C1S: variants seen among roughly 807,000 people sequenced by gnomAD.
The protein encoded by C1S is complement C1s subcomponent.
A neutral mutation model predicts 54.0 loss-of-function variants in C1S; 31 were observed. The ratio of observed to expected loss-of-function variants is 0.57; its 90% CI spans 0.43 to 0.78. The LOEUF (loss-of-function observed/expected upper bound fraction) is 0.78, where lower values mean the gene tolerates loss of function less well. Ranked by LOEUF, C1S falls within the 30% of genes least tolerant of loss-of-function variation. The pLI, the probability that C1S is intolerant of heterozygous loss-of-function variation, is 0.00. For synonymous variants in C1S, 292 were observed against 303.6 expected, an observed-to-expected ratio of 0.96 and a Z score of 0.40; for missense variants, 727 against 851.8, an observed-to-expected ratio of 0.85 and a Z score of 1.82.
chr12:7,067,515 G>T, intron 9 of C1S, 128 bp from the exon 10 acceptor site: 1 of 1,022,664 alleles, frequency 9.8e-7, no homozygotes, highest in East Asian at 2.4e-5. Flanking sequence ...AGGCTGGTGT[G>T]GGGAGGTTCA....
At chr12:7,067,981 C>T (rs1425901304) in intron 10 of C1S, among the ~76,000 whole-genome samples, 2 of 152,184 alleles carry the variant, frequency 1.3e-5, no homozygotes, top group African/African-American at 4.8e-5. Context: ...ATAGAGGTCA[C>T]CAACTGAGTT....
In C1S at chr12:7,065,832, C is replaced by T. The variant is rs147971272; in HGVS notation, c.733C>T (p.Arg245Trp). ...TTTTGTTCAGTTTGTTGCAGGAGATCGGCAATTTGGTCCTTACTGTGGTCA... is the reference window on the plus strand; with the variant it reads ...TTTTGTTCAGTTTGTTGCAGGAGATTGGCAATTTGGTCCTTACTGTGGTCA... ...LDSLVFVAGD[R>W]QFGPYCGHGF... The change falls in exon 7 of 12, where the codon CGG becomes TGG. Residue 245 changes from arginine (R) to tryptophan (W), a missense_variant. Arg to Trp is a moderately radical substitution (Grantham distance 101). Transcript: ENST00000360817. The T allele has an allele frequency of 3.2e-5, 52 of 1,612,574 alleles. No individual in the cohort carries two copies. Among genetic ancestry groups the T allele is most frequent in the Middle Eastern group, 3.3e-4 (2 of 6,058 alleles).
chr12:7,061,962 T>G (rs1234094064), intron 2 of C1S, 45 bp downstream of exon 2: 1 of 1,604,912 alleles, frequency 6.2e-7, no homozygotes, highest in East Asian at 2.2e-5. Flanking sequence ...TCCATTCCCT[T>G]CATCTTCTCA....
At chr12:7,069,115 G>C (rs1429996843) in intron 11 of C1S, among the ~76,000 whole-genome samples, 1 of 152,186 alleles carries the variant, frequency 6.6e-6, no homozygotes, top group Admixed American at 6.5e-5. Context: ...ATGTGAATGG[G>C]TGGGGTGCAA....
In C1S at chr12:7,061,879, C is replaced by T; in HGVS notation, c.-34C>T. 1.9e-6 allele frequency: 3 copies of T among 1,613,836 alleles called. No homozygotes were observed. The highest frequency in any genetic ancestry group is 2.5e-6 in the Non-Finnish European group (3 of 1,179,792). ...GGTGCAGAAAGCCAGGACCAAGAGACAGGCAGCTCACCAGGGTGGACAAAT... is the reference window on the plus strand; with the variant it reads ...GGTGCAGAAAGCCAGGACCAAGAGATAGGCAGCTCACCAGGGTGGACAAAT... On this transcript the variant is annotated 5_prime_UTR_variant, in exon 2 of 12. Transcript: ENST00000360817.
intron 11 of C1S, 157 bp downstream of exon 11, chr12:7,068,687 G>A: frequency 3.1e-6 from 2 of 643,246 alleles, no homozygotes; most frequent in Non-Finnish European, 5.6e-6. Flanking sequence ...GGGCTGCCAG[G>A]GCCGTGGGGA....
Position 7,061,895 on chromosome 12 carries a change from G to A in C1S, c.-18G>A, listed in dbSNP as rs1188206296. On this transcript the variant is annotated 5_prime_UTR_variant, in exon 2 of 12. In the 5' UTR this introduces an upstream ATG that the reference lacks. Transcript: ENST00000360817. ...ACCAAGAGACAGGCAGCTCACCAGG[G>A]TGGACAAATCGCCAGAGATGTGGTA... 6.2e-7 allele frequency: 1 copy of A among 1,613,912 alleles called. No individual in the cohort carries two copies. Among genetic ancestry groups the A allele is most frequent in the Non-Finnish European group, 8.5e-7 (1 of 1,179,928 alleles).
chr12:7,066,636 A>C lies in C1S; in HGVS notation c.987+3A>C. The C allele has an allele frequency of 6.4e-7, 1 of 1,564,038 alleles. No homozygotes were observed. Among genetic ancestry groups the C allele is most frequent in the Non-Finnish European group, 8.8e-7 (1 of 1,134,210 alleles). On this transcript the variant is annotated splice_donor_region_variant and intron_variant, in intron 8 of 11. Coordinates refer to ENST00000360817, the MANE Select transcript of C1S (RefSeq NM_001734.5). ...TGGATGGGTTTGAAGTTGTGGAGGTAAAGTACCACCTTGGCTTCTCCCCAG... is the reference window on the plus strand; with the variant it reads ...TGGATGGGTTTGAAGTTGTGGAGGTCAAGTACCACCTTGGCTTCTCCCCAG...
At chr12:7,063,934 C>T (rs1555161653) in intron 4 of C1S, 14 of 457,974 alleles carry the variant, frequency 3.1e-5, no homozygotes, top group Middle Eastern at 3.9e-4. Flanking sequence ...GAGGTAGAGG[C>T]GTGAGACTTG....
At chr12:7,062,313 G>T (rs782292445) in intron 2 of C1S, 162 bp from the exon 3 acceptor site, 4 of 660,646 alleles carry the variant, frequency 6.1e-6, no homozygotes, top group African/African-American at 5.5e-5. Flanking sequence ...CCTGGGTTTT[G>T]GTTTGACCTG....
rs1180126695 is a variant in C1S, at chr12:7,070,048, G to A, written c.1464G>A (p.Gly488=). 3 of 1,613,922 alleles carry A rather than the reference G, an allele frequency of 1.9e-6. No individual in the cohort carries two copies. The highest frequency in any genetic ancestry group is 2.7e-5 in the African/African-American group (2 of 74,914). ...ACAGGGAGCCAACAATGTATGTTGG[G>A]TCCACCTCAGTGCAGACCTCACGGC... ...EGNREPTMYV[G]STSVQTSRLA... The change falls in exon 12 of 12, where the codon GGG becomes GGA. Residue 488 remains glycine, a synonymous_variant. Coordinates refer to ENST00000360817, the MANE Select transcript of C1S (RefSeq NM_001734.5). The surrounding 1 kb of genome is among the most constrained non-coding windows in gnomAD (Gnocchi z 4.9).
rs782816529 is a variant in C1S at position 7,069,893 on chromosome 12, A to T, written c.1309A>T (p.Arg437Trp). ...VPREPFEEKQ[R>W]IIGGSDADIK... ...CAGAGAACCCTTTGAAGAAAAACAG[A>T]GGATAATTGGAGGATCCGATGCAGA... Residue 437 changes from arginine (R) to tryptophan (W), a missense_variant, in exon 12 of 12, where the codon AGG (arginine) becomes TGG (tryptophan). By Grantham distance (101) the Arg-to-Trp change is moderately radical (BLOSUM62 -3). This residue lies in a region of C1S where 360 missense variants were observed against 453.6 expected (regional missense o/e 0.79). Coordinates refer to ENST00000360817, the MANE Select transcript of C1S (RefSeq NM_001734.5). The T allele has an allele frequency of 6.2e-7, 1 of 1,614,192 alleles. No homozygotes were observed. The highest frequency in any genetic ancestry group is 1.1e-5 in the South Asian group (1 of 91,082).
rs782308566 is a variant in C1S, at chr12:7,069,959, T to C, written c.1375T>C (p.Trp459Arg). 3.1e-6 allele frequency: 5 copies of C among 1,614,038 alleles called. No homozygotes were observed. The highest frequency in any genetic ancestry group is 2.2e-5 in the East Asian group (1 of 44,880). Residue 459 changes from tryptophan (W) to arginine (R), a missense_variant, in exon 12 of 12, where the codon TGG becomes CGG. Transcript: ENST00000360817. Reference sequence around the variant, plus strand: ...CTGGCAAGTCTTCTTTGACAACCCATGGGCTGGTGGAGCGCTCATTAATGA... The same window carrying C: ...CTGGCAAGTCTTCTTTGACAACCCACGGGCTGGTGGAGCGCTCATTAATGA... ...FPWQVFFDNP[W>R]AGGALINEYW...
chr12:7,069,506 C>T (rs781863758), intron 11 of C1S, among the ~76,000 whole-genome samples: 4 of 152,206 alleles, frequency 2.6e-5, no homozygotes, highest in Non-Finnish European at 4.4e-5. Flanking sequence ...GATTGGGCAC[C>T]GGCCTCATGT....
intron 4 of C1S, 86 bp downstream of exon 4, chr12:7,063,153 G>T: frequency 1.6e-6 from 2 of 1,259,432 alleles, no homozygotes; most frequent in South Asian, 1.3e-5. Context: ...ATTGAATGAG[G>T]ATTCTGTTCG....
At chr12:7,067,355 C>T (rs1937694833) in intron 9 of C1S, 3 of 624,780 alleles carry the variant, frequency 4.8e-6, no homozygotes, top group Non-Finnish European at 5.7e-6. Context: ...GAGTTAGTAG[C>T]CCCACGTGGG....
intron 6 of C1S, 27 bp from the exon 7 acceptor site, chr12:7,065,790 C>T (rs782504845): frequency 1.2e-6 from 2 of 1,610,016 alleles, no homozygotes; most frequent in Non-Finnish European, 1.7e-6. Flanking sequence ...AGTTCTTTCC[C>T]TCTTCTGATT....
Position 7,069,997 on chromosome 12 carries a change from G to A in C1S, c.1413G>A (p.Leu471=), listed in dbSNP as rs1591582051. 1 of 1,614,222 alleles carries A rather than the reference G, an allele frequency of 6.2e-7. No homozygotes were observed. Among genetic ancestry groups the A allele is most frequent in the Non-Finnish European group, 8.5e-7 (1 of 1,180,038 alleles). The change falls in exon 12 of 12, where the codon CTG becomes CTA. Residue 471 remains leucine (L), a synonymous_variant. Transcript: ENST00000360817. ...CGCTCATTAATGAGTACTGGGTGCT[G>A]ACGGCTGCTCATGTTGTGGAGGGAA... ...GGALINEYWV[L]TAAHVVEGNR... is the part of the protein sequence containing the mutation.
Position 7,061,822 on chromosome 12 carries a change from G to A in C1S, c.-74-17G>A. The A allele has an allele frequency of 2.1e-6, 3 of 1,431,396 alleles. No homozygotes were observed. The highest frequency in any genetic ancestry group is 3.0e-6 in the Non-Finnish European group (3 of 1,014,362). 88.7% of individuals were successfully genotyped at this position (1,431,396 alleles called of 1,614,324 possible). A position where few individuals can be genotyped will look rare whatever the true frequency, so the allele number is the denominator to read the frequency against. ...TGTGTTTGTCAGACAAATACAGCCA[G>A]GCCTGCCACCCCTTAGGCTCCAAAG... On this transcript the variant is annotated splice_polypyrimidine_tract_variant and intron_variant, in intron 1 of 11. Transcript: ENST00000360817.
Sources: gnomAD v4.1 joint callset for allele counts (sites outside exome capture counted in the v4.1 genomes callset) on GRCh38, gnomAD v4.1.1 for gene constraint, gnomAD v4.1.1 regional missense constraint, Gnocchi (gnomAD v3.1) non-coding constraint, MANE v1.5 for transcripts, NCBI Gene and HGNC (gene_info 2026-07-23, HGNC 2026-07-21) for gene names.